Variants in PLOD1 observed in about 807,000 individuals in gnomAD.
PLOD1 encodes the protein lysine hydroxylase.
Under a neutral mutation model 94.7 loss-of-function variants are expected in PLOD1, and 70 were observed. That is an observed-to-expected ratio of 0.74 (90% CI 0.61 to 0.90). The LOEUF (loss-of-function observed/expected upper bound fraction) is 0.90, where lower values mean the gene tolerates loss of function less well. PLOD1 is among the 40% of genes least tolerant of loss of function. The pLI, the probability that PLOD1 is intolerant of heterozygous loss-of-function variation, is 0.00. For missense variants in PLOD1, 905 were observed against 972.7 expected (o/e 0.93, Z 0.93); for synonymous variants, 417 against 400.2 (o/e 1.04, Z -0.50).
chr1:11,974,328 G>T (rs372678403), intron 18 of PLOD1, among the ~76,000 whole-genome samples: 1 of 152,082 alleles, frequency 6.6e-6, no homozygotes, highest in South Asian at 2.1e-4. Flanking sequence ...GATTACAGGC[G>T]TGCGCTGCTA....
chr1:11,948,184 T>C, intron 2 of PLOD1, 117 bp downstream of exon 2: 1 of 773,046 alleles, frequency 1.3e-6, no homozygotes, highest in African/African-American at 1.7e-5. Context: ...CAGGGGAGGC[T>C]TCTGGAAGCC....
intron 5 of PLOD1, 163 bp from the exon 6 acceptor site, chr1:11,954,667 G>C (rs1254325096): frequency 1.3e-6 from 1 of 773,890 alleles, no homozygotes; most frequent in African/African-American, 1.7e-5. Context: ...GAGCTTGGCT[G>C]CTGGCCTTCT....
At chr1:11,954,200 T>TATCATTACAAA in intron 5 of PLOD1, 2 of 132,264 alleles carry the variant, frequency 1.5e-5, no homozygotes, top group Non-Finnish European at 1.6e-5. Context: ...CCAGGTGCGG[T>TATCATTACAAA]GGCTCACACC....
intron 6 of PLOD1, among the ~76,000 whole-genome samples, chr1:11,955,952 G>A (rs896899608): frequency 3.9e-5 from 6 of 152,008 alleles, no homozygotes; most frequent in Non-Finnish European, 5.9e-5. Context: ...AATAGAGACA[G>A]GGTCTCACTA....
chr1:11,958,753 G>A lies in PLOD1; in HGVS notation c.975+106G>A. 7.5e-7 allele frequency: 1 copy of A among 1,329,222 alleles called. No homozygotes were observed. The highest frequency in any genetic ancestry group is 1.1e-6 in the Non-Finnish European group (1 of 943,290). The allele number at this position is 1,329,222 out of a possible 1,614,324, so 82.3% of individuals were successfully genotyped here. ...GGGTCTCACCGAATCTAGCTTATCT[G>A]GGCCAAATGACAATCACCAGTGGAC... On this transcript the variant is annotated intron_variant, in intron 9 of 18. Coordinates refer to ENST00000196061, the MANE Select transcript of PLOD1 (RefSeq NM_000302.4). This position sits in a 1 kb window ranked among gnomAD's most constrained non-coding sequence, Gnocchi z 4.3.
chr1:11,945,811 C>T, intron 1 of PLOD1, among the ~76,000 whole-genome samples: 1 of 152,114 alleles, frequency 6.6e-6, no homozygotes, highest in South Asian at 2.1e-4. Flanking sequence ...TGGGTTCAAG[C>T]AATTCTCCTG....
At chr1:11,936,850 TC>T (rs1183299176) in intron 1 of PLOD1, among the ~76,000 whole-genome samples, 2 of 100,946 alleles carry the variant, frequency 2.0e-5, no homozygotes, top group African/African-American at 8.4e-5. Context: ...TTCTTTTCTT[TC>T]TTTTTTTTTT....
rs1415490182 is a variant in PLOD1, at chr1:11,949,755, A to G, written c.169-18A>G. ...ATTTCTTTACCAAAAGCCCGTGTTA[A>G]GGGGTGTTTCTCTCCAGGCGCTTGG... On this transcript the variant is annotated intron_variant, in intron 2 of 18. Coordinates refer to ENST00000196061, the MANE Select transcript of PLOD1 (RefSeq NM_000302.4). The G allele has an allele frequency of 1.9e-6, 3 of 1,613,338 alleles. No homozygotes were observed. The highest frequency in any genetic ancestry group is 1.7e-6 in the Non-Finnish European group (2 of 1,179,456).
intron 12 of PLOD1, 142 bp from the exon 13 acceptor site, chr1:11,964,502 G>C: frequency 1.1e-6 from 1 of 930,992 alleles, no homozygotes; most frequent in Non-Finnish European, 1.7e-6. Flanking sequence ...AATCAAATCA[G>C]CACAATTGTG....
chr1:11,969,795 A>G (rs543478580), intron 16 of PLOD1, among the ~76,000 whole-genome samples: 39 of 152,288 alleles, frequency 2.6e-4, no homozygotes, highest in African/African-American at 8.2e-4. Flanking sequence ...GGCCAGCAAG[A>G]GACAGAATCT....
intron 1 of PLOD1, among the ~76,000 whole-genome samples, chr1:11,941,658 AT>A (rs1645616406): frequency 6.6e-6 from 1 of 151,760 alleles, no homozygotes; most frequent in Non-Finnish European, 1.5e-5. Flanking sequence ...TTTTTTTTGT[AT>A]TTTTAGTAGA....
At position 11,947,268 on chromosome 1, in the gene PLOD1, CAAAAA is replaced by C. The variant is rs548608489; in HGVS notation, c.77-704_77-700del. ...AAAAAAACAAAAACAAACAAACAAA[CAAAAA>C]AAACAACCCAGCTCTCTTGGTCGGG... On this transcript the variant is annotated intron_variant, in intron 1 of 18. Coordinates refer to ENST00000196061, the MANE Select transcript of PLOD1 (RefSeq NM_000302.4). Among the ~76,000 whole-genome samples, 2 of 144,854 alleles carry C rather than the reference CAAAAA, an allele frequency of 1.4e-5. 1 individual carries two copies. Among genetic ancestry groups the C allele is most frequent in the South Asian group, 4.4e-4 (2 of 4,552 alleles).
Position 11,936,775 on chromosome 1 carries a change from G to A in PLOD1, c.76+1920G>A, listed in dbSNP as rs576393989. On this transcript the variant is annotated intron_variant, in intron 1 of 18. Transcript: ENST00000196061. ...TGACCTCAAGTGATCCTCCTGCCTC[G>A]GCCTCCCAAAGTGCTGGGATTACAG... Among the ~76,000 whole-genome samples the A allele has an allele frequency of 1.6e-4, 24 of 151,692 alleles. 1 individual carries two copies. The highest frequency in any genetic ancestry group is 3.9e-4 in the Admixed American group (6 of 15,202).
At chr1:11,973,360 C>T (rs1270587592) in intron 18 of PLOD1, among the ~76,000 whole-genome samples, 1 of 151,926 alleles carries the variant, frequency 6.6e-6, no homozygotes, top group Admixed American at 6.6e-5. Context: ...ATTAGCTGGG[C>T]GTGGTAGCAC....
intron 1 of PLOD1, among the ~76,000 whole-genome samples, chr1:11,945,686 G>GT (rs1209337998): frequency 1.3e-5 from 2 of 152,028 alleles, no homozygotes; most frequent in Non-Finnish European, 2.9e-5. Flanking sequence ...ATCAGCACCA[G>GT]TAATACCTCT....
chr1:11,966,930 A>G (rs1645822662), intron 15 of PLOD1, 57 bp from the exon 16 acceptor site: 2 of 1,057,082 alleles, frequency 1.9e-6, no homozygotes, highest in Admixed American at 3.4e-5. Context: ...CTGAAGAGGA[A>G]GGAGGATTCT....
chr1:11,962,274 CTTT>C (rs780613164), intron 10 of PLOD1, among the ~76,000 whole-genome samples: 1 of 99,086 alleles, frequency 1.0e-5, no homozygotes, highest in Admixed American at 1.2e-4. Context: ...TTTTTGTTTT[CTTT>C]TTTTTTTTTT....
At position 11,975,051 on chromosome 1, in the gene PLOD1, T is replaced by C. The variant is rs758794193; in HGVS notation, c.*243T>C. 9.9e-5 allele frequency: 58 copies of C among 583,974 alleles called. 1 individual carries two copies. In the Middle Eastern group the frequency reaches 3.2e-3, roughly 32 times the overall value. 36.2% of individuals were successfully genotyped at this position (583,974 alleles called of 1,614,324 possible). On this transcript the variant is annotated 3_prime_UTR_variant, in exon 19 of 19. Transcript: ENST00000196061. ...CAGCCCCTGGAGACACCATTCACTTTTACTGCTTTGTAGTGACTCGTGCTC... is the reference window on the plus strand; with the variant it reads ...CAGCCCCTGGAGACACCATTCACTTCTACTGCTTTGTAGTGACTCGTGCTC...
intron 3 of PLOD1, 134 bp downstream of exon 3, chr1:11,950,040 A>T: frequency 1.0e-6 from 1 of 956,296 alleles, no homozygotes; most frequent in Non-Finnish European, 1.7e-6. Context: ...TAGGGTGTCC[A>T]TTCCCGGTCT....
Sources: allele counts gnomAD v4.1 joint callset (sites outside exome capture counted in the v4.1 genomes callset), GRCh38; gene constraint gnomAD v4.1.1; non-coding constraint Gnocchi (gnomAD v3.1); transcripts MANE v1.5; gene names NCBI Gene and HGNC (gene_info 2026-07-23, HGNC 2026-07-21).